Variants in RORC observed in about 807,000 individuals in gnomAD.
RORC encodes the protein RAR related orphan receptor C.
In RORC, 13 loss-of-function variants were observed where a neutral mutation model predicts 64.5. The ratio of observed to expected loss-of-function variants is 0.20; its 90% CI spans 0.13 to 0.32. The LOEUF is 0.32. Among genes scored for constraint, RORC ranks in the 10% least tolerant of loss-of-function variants. RORC has a pLI of 1.00. For synonymous variants in RORC, 277 were observed against 259.3 expected (o/e 1.07, Z -0.65); for missense variants, 468 against 669.5 (o/e 0.70, Z 3.32).
rs1407916254 is a variant in RORC at position 151,816,719 on chromosome 1, G to A, written c.243C>T (p.Asn81=). 6.2e-7 allele frequency: 1 copy of A among 1,603,458 alleles called. No individual in the cohort carries two copies. The highest frequency in any genetic ancestry group is 1.3e-5 in the African/African-American group (1 of 74,830). ...TCTGCAGGCGGCAGTGCTGGCATCG[G>A]TTTCGGCTGGTGCGGTCGATGGGGC... ...QNCPIDRTSR[N]RCQHCRLQKC... is the part of the protein sequence containing the mutation. Residue 81 remains asparagine (N), a synonymous_variant, in exon 4 of 11, where the codon AAC becomes AAT. Transcript: ENST00000318247.
At chr1:151,815,739 G>T (rs184266171) in intron 4 of RORC, among the ~76,000 whole-genome samples, 2 of 152,332 alleles carry the variant, frequency 1.3e-5, no homozygotes, top group African/African-American at 2.4e-5. Context: ...AGATCTTGGG[G>T]CTGGGGGTGG....
intron 10 of RORC, among the ~76,000 whole-genome samples, chr1:151,810,769 G>C (rs1329436682): frequency 2.6e-5 from 4 of 152,148 alleles, no homozygotes; most frequent in Non-Finnish European, 5.9e-5. Flanking sequence ...CTGACCTCAG[G>C]TGATCCACCC....
chr1:151,810,178 ACTCAT>A lies in RORC; in HGVS notation c.1395+1142_1395+1146del, dbSNP rs1300883222. Among the ~76,000 whole-genome samples the A allele has an allele frequency of 2.6e-5, 4 of 151,794 alleles. No homozygotes were observed. In the East Asian group the frequency reaches 7.7e-4, roughly 29 times the overall value. Reference sequence around the variant, plus strand: ...AAAACAATTATCCCCAGCCTCTCATACTCATCTCATCCATTTTTTTGGTTAAACCT... The same window carrying A: ...AAAACAATTATCCCCAGCCTCTCATACTCATCCATTTTTTTGGTTAAACCT... On this transcript the variant is annotated intron_variant, in intron 10 of 10. Coordinates refer to ENST00000318247, the MANE Select transcript of RORC (RefSeq NM_005060.4).
At chr1:151,819,000 C>T (rs2101664872) in intron 2 of RORC, among the ~76,000 whole-genome samples, 1 of 152,268 alleles carries the variant, frequency 6.6e-6, no homozygotes, top group South Asian at 2.1e-4. Context: ...TCTGAAATCC[C>T]TTCATTAGCA....
chr1:151,825,859 A>C lies in RORC; in HGVS notation c.70+3570T>G. The C allele has an allele frequency of 1.9e-6, 3 of 1,575,430 alleles. No homozygotes were observed. In the South Asian group the frequency reaches 3.3e-5, roughly 18 times the overall value. On this transcript the variant is annotated intron_variant, in intron 2 of 10. Transcript: ENST00000318247. ...CAGATTTGCTCACACTGTTCCCAAG[A>C]CATCCTCCTTTCCAGAGGGGTGACG...
At chr1:151,812,601 AATAGTTT>A in intron 9 of RORC, 1 of 200,598 alleles carries the variant, frequency 5.0e-6, no homozygotes, top group Admixed American at 5.3e-5. Flanking sequence ...CCCAGGCAGC[AATAGTTT>A]TTAAAGCTCC....
At position 151,814,839 on chromosome 1, in the gene RORC, T is replaced by C. The variant is rs1040495524; in HGVS notation, c.811+74A>G. 20 of 1,560,548 alleles carry C rather than the reference T, an allele frequency of 1.3e-5. No homozygotes were observed. The African/African-American group carries it at 2.3e-4, about 18-fold the overall frequency. ...ACCCCTCAATTCCCTCAGGCGCATGTTTGATTGATACGGGGTACTGGTGGA... is the reference window on the plus strand; with the variant it reads ...ACCCCTCAATTCCCTCAGGCGCATGCTTGATTGATACGGGGTACTGGTGGA... On this transcript the variant is annotated intron_variant, in intron 5 of 10. Transcript: ENST00000318247.
Position 151,813,034 on chromosome 1 carries a change from T to C in RORC, c.1198A>G (p.Ile400Val), listed in dbSNP as rs200134900. The C allele has an allele frequency of 4.6e-5, 75 of 1,613,902 alleles. 1 individual carries two copies. In the South Asian group the frequency reaches 7.9e-4, roughly 17 times the overall value. ...ALGCSELISS[I>V]FDFSHSLSAL... ...CTTAGGGAGTGGGAGAAGTCAAAGA[T>C]GGAGCTGATGAGCTCGCTGCAGCCT... Residue 400 changes from isoleucine to valine, a missense_variant, in exon 9 of 11, where the codon ATC (isoleucine) becomes GTC (valine). By Grantham distance (29) the Ile-to-Val change is conservative. Around this residue, in one of 5 missense-constraint regions of RORC, gnomAD observed 100 missense variants for 190.8 expected, o/e 0.52. Coordinates refer to ENST00000318247, the MANE Select transcript of RORC (RefSeq NM_005060.4).
In RORC at chr1:151,807,359, TG is replaced by T. The variant is rs1168496787; in HGVS notation, c.*112del. 8 of 1,088,956 alleles carry T rather than the reference TG, an allele frequency of 7.3e-6. No individual in the cohort carries two copies. The East Asian group carries it at 2.0e-4, about 28-fold the overall frequency. The allele number at this position is 1,088,956 out of a possible 1,614,324, so 67.5% of individuals were successfully genotyped here. A position where few individuals can be genotyped will look rare whatever the true frequency, so the allele number is the denominator to read the frequency against. On this transcript the variant is annotated 3_prime_UTR_variant, in exon 11 of 11. Coordinates refer to ENST00000318247, the MANE Select transcript of RORC (RefSeq NM_005060.4). The surrounding 1 kb of genome is among the most constrained non-coding windows in gnomAD (Gnocchi z 5.0). ...CAGCATCTGCTCACTTCCAAAGAGC[TG>T]GTGGGGACCACCCTCCAGGGTTCAT...
intron 10 of RORC, among the ~76,000 whole-genome samples, chr1:151,808,068 C>T (rs543039821): frequency 6.6e-6 from 1 of 152,200 alleles, no homozygotes; most frequent in Admixed American, 6.5e-5. Flanking sequence ...TGCCTCCCAT[C>T]TGGATTAAGG....
chr1:151,817,331 AACC>A, intron 2 of RORC, 51 bp from the exon 3 acceptor site: 1 of 1,291,794 alleles, frequency 7.7e-7, no homozygotes, highest in Non-Finnish European at 1.1e-6. Context: ...TTCTGCATTC[AACC>A]ACCATGTACC....
Position 151,815,379 on chromosome 1 carries a change from A to T in RORC, c.345T>A (p.His115Gln). 2 of 1,557,946 alleles carry T rather than the reference A, an allele frequency of 1.3e-6. No individual in the cohort carries two copies. The highest frequency in any genetic ancestry group is 1.7e-6 in the Non-Finnish European group (2 of 1,152,332). ...GCTGCAGCTGTTTCTGCACTTCTGC[A>T]TGCAGGCTGTCCCTCTGCTTCTTGG... ...RMSKKQRDSL[H>Q]AEVQKQLQQR... Residue 115 changes from histidine to glutamine, a missense_variant, in exon 5 of 11, where the codon CAT becomes CAA. Coordinates refer to ENST00000318247, the MANE Select transcript of RORC (RefSeq NM_005060.4).
At chr1:151,817,404 T>C in intron 2 of RORC, 124 bp from the exon 3 acceptor site, 1 of 673,574 alleles carries the variant, frequency 1.5e-6, no homozygotes, top group Non-Finnish European at 2.7e-6. Flanking sequence ...TCCAGCTTGC[T>C]GTTTCCCTCT....
chr1:151,811,145 T>TATAA (rs1651507185), intron 10 of RORC, among the ~76,000 whole-genome samples, 180 bp downstream of exon 10: 2 of 152,184 alleles, frequency 1.3e-5, no homozygotes, highest in Admixed American at 1.3e-4. Context: ...CTTTCCAGTC[T>TATAA]TTATGCACGT....
At chr1:151,814,866 A>G in intron 5 of RORC, 47 bp downstream of exon 5, 1 of 1,582,484 alleles carries the variant, frequency 6.3e-7, no homozygotes, top group Non-Finnish European at 8.6e-7. Context: ...ACTGGTGGAA[A>G]CCCCTCCCTC....
At chr1:151,809,623 T>C (rs1232477053) in intron 10 of RORC, among the ~76,000 whole-genome samples, 1 of 152,076 alleles carries the variant, frequency 6.6e-6, no homozygotes, top group African/African-American at 2.4e-5. Flanking sequence ...GTAGGGAAGG[T>C]GATGTATTTT....
At chr1:151,828,486 C>T (rs78302216) in intron 2 of RORC, among the ~76,000 whole-genome samples, 1,981 of 152,280 alleles carry the variant, frequency 0.013, 45 homozygotes, top group African/African-American at 0.045. Flanking sequence ...CTGGGAAGTC[C>T]TCTCTGAGCT....
At position 151,811,390 on chromosome 1, in the gene RORC, A is replaced by T; in HGVS notation, c.1330T>A (p.Tyr444Asn). 6.2e-7 allele frequency: 1 copy of T among 1,613,954 alleles called. No homozygotes were observed. The highest frequency in any genetic ancestry group is 8.5e-7 in the Non-Finnish European group (1 of 1,179,870). ...TGATGAAAGGCCAGCTCCAGATTGT[A>T]CTGCAGCTGTTCTACTTTCCTTTTC... ...QEKRKVEQLQ[Y>N]NLELAFHHHL... is the part of the protein sequence containing the mutation. The change falls in exon 10 of 11, where the codon TAC becomes AAC. Residue 444 changes from tyrosine (Y) to asparagine (N), a missense_variant. Coordinates refer to ENST00000318247, the MANE Select transcript of RORC (RefSeq NM_005060.4).
chr1:151,811,274 T>C, intron 10 of RORC, 51 bp downstream of exon 10: 1 of 1,232,196 alleles, frequency 8.1e-7, no homozygotes. Flanking sequence ...ACTCTGATGT[T>C]ACAGAGCTAG....
Sources: gnomAD v4.1 joint callset for allele counts (sites outside exome capture counted in the v4.1 genomes callset) on GRCh38, gnomAD v4.1.1 for gene constraint, gnomAD v4.1.1 regional missense constraint, Gnocchi (gnomAD v3.1) non-coding constraint, MANE v1.5 for transcripts, NCBI Gene and HGNC (gene_info 2026-07-23, HGNC 2026-07-21) for gene names.